LRP8: variants seen among roughly 807,000 people sequenced by gnomAD.
LRP8 encodes the protein low-density lipoprotein receptor-related protein 8.
In LRP8, 46 loss-of-function variants were observed where a neutral mutation model predicts 111.6. The ratio of observed to expected loss-of-function variants is 0.41; its 90% confidence interval spans 0.33 to 0.53. The LOEUF (loss-of-function observed/expected upper bound fraction) is 0.53. LRP8 is among the 20% of genes least tolerant of loss of function. The probability of loss-of-function intolerance (pLI) is 0.20; values close to 1 mark genes in which losing one functional copy is unlikely to be tolerated. For synonymous variants in LRP8, 464 were observed against 511.2 expected, an observed-to-expected ratio of 0.91 and a Z score of 1.24; for missense variants, 959 against 1,297.4, an observed-to-expected ratio of 0.74 and a Z score of 4.01.
chr1:53,313,402 C>T (rs774968964), intron 2 of LRP8, among the ~76,000 whole-genome samples: 58 of 123,802 alleles, frequency 4.7e-4, no homozygotes, highest in Non-Finnish European at 8.5e-4. Flanking sequence ...AGTGCACACT[C>T]GGAGCCCAGA....
chr1:53,268,427 A>G (rs1173881309), intron 8 of LRP8: 1 of 152,230 alleles, frequency 6.6e-6, no homozygotes, highest in East Asian at 1.9e-4. Context: ...GTCATGTATT[A>G]CATGTGTTCT....
At chr1:53,253,740 A>T (rs1373562990) in intron 16 of LRP8, among the ~76,000 whole-genome samples, 4 of 152,216 alleles carry the variant, frequency 2.6e-5, no homozygotes, top group Non-Finnish European at 5.9e-5. Context: ...TTTCAAGGCC[A>T]ATTCAAATGC....
At chr1:53,319,207 G>T (rs557093058) in intron 2 of LRP8, among the ~76,000 whole-genome samples, 1 of 152,294 alleles carries the variant, frequency 6.6e-6, no homozygotes, top group East Asian at 1.9e-4. Flanking sequence ...GCCATCCAAG[G>T]ATTACGGCAG....
intron 2 of LRP8, among the ~76,000 whole-genome samples, chr1:53,310,436 G>A (rs555960227): frequency 1.3e-5 from 2 of 152,312 alleles, no homozygotes; most frequent in African/African-American, 2.4e-5. Flanking sequence ...TGTAAATGGG[G>A]GATGAGAACT....
intron 2 of LRP8, chr1:53,292,157 G>T (rs1648902141): frequency 6.6e-6 from 1 of 152,236 alleles, no homozygotes; most frequent in African/African-American, 2.4e-5. Flanking sequence ...AGCCTGGCAA[G>T]GATTTGGTGA....
intron 6 of LRP8, chr1:53,272,458 G>C: frequency 1.5e-6 from 1 of 656,206 alleles, no homozygotes; most frequent in South Asian, 1.7e-5. Flanking sequence ...CTCATGCACT[G>C]CCACTCCAGC....
chr1:53,276,104 C>T (rs1646908552), intron 5 of LRP8, among the ~76,000 whole-genome samples: 2 of 152,122 alleles, frequency 1.3e-5, no homozygotes, highest in Admixed American at 6.5e-5. Flanking sequence ...TGACTTCATC[C>T]ATTTGGCAAA....
At chr1:53,300,746 T>C (rs1335312983) in intron 2 of LRP8, among the ~76,000 whole-genome samples, 1 of 152,150 alleles carries the variant, frequency 6.6e-6, no homozygotes, top group Non-Finnish European at 1.5e-5. Flanking sequence ...GGGCCCTCGG[T>C]GTGAGAAAGC....
At chr1:53,319,227 G>A (rs1421073349) in intron 2 of LRP8, among the ~76,000 whole-genome samples, 1 of 152,172 alleles carries the variant, frequency 6.6e-6, no homozygotes, top group Admixed American at 6.5e-5. Context: ...GGTTGAGAGG[G>A]CTGGAAACTA....
chr1:53,254,324 C>T (rs1557748622), intron 16 of LRP8, among the ~76,000 whole-genome samples: 1 of 151,964 alleles, frequency 6.6e-6, no homozygotes, highest in Non-Finnish European at 1.5e-5. Flanking sequence ...CTGACCCTTC[C>T]AGGCCATTTC....
intron 2 of LRP8, among the ~76,000 whole-genome samples, chr1:53,290,638 C>G (rs554982320): frequency 6.6e-5 from 10 of 152,198 alleles, no homozygotes; most frequent in Non-Finnish European, 1.5e-4. Flanking sequence ...TTACTGCCTT[C>G]TGTGTCTTGT....
Position 53,277,044 on chromosome 1 carries a change from G to A in LRP8, c.531C>T (p.Arg177=), listed in dbSNP as rs1198636400. Residue 177 remains arginine (R), a synonymous_variant, in exon 5 of 19, where the codon CGC becomes CGT. Transcript: ENST00000306052. The stretch of plus-strand genomic sequence containing the variant: ...ACACGAACACGGCGGCCAGGCACGA[G>A]CGGTTGCCGCACTGGAACTCGTGCG... ...CAPHEFQCGN[R]SCLAAVFVCD... 56 of 1,523,190 alleles carry A rather than the reference G, an allele frequency of 3.7e-5. No homozygotes were observed. Among genetic ancestry groups the A allele is most frequent in the Non-Finnish European group, 4.8e-5 (55 of 1,140,506 alleles). The allele number at this position is 1,523,190 out of a possible 1,614,324, so 94.4% of individuals were successfully genotyped here.
At chr1:53,306,385 T>C (rs1651963956) in intron 2 of LRP8, among the ~76,000 whole-genome samples, 1 of 152,234 alleles carries the variant, frequency 6.6e-6, no homozygotes, top group Admixed American at 6.5e-5. Context: ...CACTCCCACA[T>C]CCTTTTCTCC....
chr1:53,279,803 CAT>C lies in LRP8; in HGVS notation c.496+782_496+783del, dbSNP rs961486687. Among the ~76,000 whole-genome samples the C allele has an allele frequency of 7.9e-5, 12 of 152,194 alleles. No homozygotes were observed. The highest frequency in any genetic ancestry group is 2.9e-4 in the African/African-American group (12 of 41,452). Reference sequence around the variant, plus strand: ...CAGCCAGTCTGTCTCCCCCACTAATCATGTGTTCCCAGAGGGAAGACTGTGTA... The same window carrying C: ...CAGCCAGTCTGTCTCCCCCACTAATCGTGTTCCCAGAGGGAAGACTGTGTA... On this transcript the variant is annotated intron_variant, in intron 4 of 18. Coordinates refer to ENST00000306052, the MANE Select transcript of LRP8 (RefSeq NM_004631.5). The surrounding 1 kb of genome is among the most constrained non-coding windows in gnomAD (Gnocchi z 4.4).
At chr1:53,269,326 T>TTA (rs1646686340) in intron 8 of LRP8, among the ~76,000 whole-genome samples, 1 of 151,358 alleles carries the variant, frequency 6.6e-6, no homozygotes, top group Non-Finnish European at 1.5e-5. Context: ...TATTATTATT[T>TTA]TTTTTTTTAG....
chr1:53,266,196 C>G lies in LRP8; in HGVS notation c.1427+277G>C, dbSNP rs1239482253. On this transcript the variant is annotated intron_variant, in intron 9 of 18. Coordinates refer to ENST00000306052, the MANE Select transcript of LRP8 (RefSeq NM_004631.5). This position sits in a 1 kb window ranked among gnomAD's most constrained non-coding sequence, Gnocchi z 5.0. ...TTTCTTCCTTTCTGCCCTGGCCAAA[C>G]AGTTCCTGTGTCTTGTGCTTCCATA... is the stretch of plus-strand genomic sequence containing the variant. Among the ~76,000 whole-genome samples the G allele has an allele frequency of 1.3e-5, 2 of 152,184 alleles. No individual in the cohort carries two copies. Among genetic ancestry groups the G allele is most frequent in the African/African-American group, 4.8e-5 (2 of 41,444 alleles).
chr1:53,260,726 G>T, intron 12 of LRP8, 121 bp from the exon 13 acceptor site: 1 of 961,368 alleles, frequency 1.0e-6, no homozygotes, highest in Non-Finnish European at 1.6e-6. Context: ...GATCTGTCCT[G>T]TCTATGGATT....
intron 2 of LRP8, among the ~76,000 whole-genome samples, chr1:53,306,475 C>T (rs529893874): frequency 2.6e-5 from 4 of 152,298 alleles, no homozygotes; most frequent in African/African-American, 9.6e-5. Flanking sequence ...GAGCCAGGGG[C>T]CAGGAGGCCT....
chr1:53,284,522 C>T (rs1339011222), intron 3 of LRP8, among the ~76,000 whole-genome samples: 1 of 152,188 alleles, frequency 6.6e-6, no homozygotes, highest in African/African-American at 2.4e-5. Flanking sequence ...CTCACAAAAG[C>T]CCAGGTGACA....
Sources: gnomAD v4.1 joint callset for allele counts (sites outside exome capture counted in the v4.1 genomes callset) on GRCh38, gnomAD v4.1.1 for gene constraint, Gnocchi (gnomAD v3.1) non-coding constraint, MANE v1.5 for transcripts, NCBI Gene and HGNC (gene_info 2026-07-23, HGNC 2026-07-21) for gene names.